The following SERGEF variants were observed in gnomAD, a reference collection of about 807,000 sequenced individuals.
SERGEF encodes secretion regulating guanine nucleotide exchange factor, also known as secretion-regulating guanine nucleotide exchange factor.
Under a neutral mutation model 50.0 loss-of-function variants are expected in SERGEF, and 51 were observed. The observed-to-expected ratio is 1.02, with a 90% CI of 0.81 to 1.29. The LOEUF (loss-of-function observed/expected upper bound fraction) is 1.29, where lower values mean the gene tolerates loss of function less well. Ranked by LOEUF, SERGEF falls within the 50% of genes most tolerant of loss-of-function variation. The pLI, the probability that SERGEF is intolerant of heterozygous loss-of-function variation, is 0.00. For missense variants in SERGEF, 521 were observed against 557.0 expected, an observed-to-expected ratio of 0.94 and a Z score of 0.65; for synonymous variants, 205 against 212.4, an observed-to-expected ratio of 0.97 and a Z score of 0.30.
chr11:17,853,867 T>G (rs936985273), intron 10 of SERGEF: 1 of 151,836 alleles, frequency 6.6e-6, no homozygotes, highest in African/African-American at 2.4e-5. Context: ...ACACACAATT[T>G]AGCCAGGCAC....
chr11:17,844,903 AAAAAC>A (rs1161360777), intron 10 of SERGEF, among the ~76,000 whole-genome samples: 3 of 146,472 alleles, frequency 2.0e-5, no homozygotes, highest in African/African-American at 4.9e-5. Flanking sequence ...GAGCTTAAAA[AAAAAC>A]AAAACAAAAC....
intron 9 of SERGEF, among the ~76,000 whole-genome samples, chr11:17,895,243 A>T (rs1851598687): frequency 1.3e-5 from 2 of 152,260 alleles, no homozygotes; most frequent in Non-Finnish European, 2.9e-5. Flanking sequence ...AACAAAACGT[A>T]TTGAGGCCAG....
chr11:17,906,171 G>A (rs1193079048), intron 9 of SERGEF, among the ~76,000 whole-genome samples: 3 of 152,174 alleles, frequency 2.0e-5, no homozygotes, highest in East Asian at 3.9e-4. Flanking sequence ...AGTTGGAGCA[G>A]GGCACGGGGA....
intron 1 of SERGEF, among the ~76,000 whole-genome samples, chr11:18,010,917 T>C (rs1291902061): frequency 2.0e-5 from 3 of 152,154 alleles, no homozygotes; most frequent in African/African-American, 7.2e-5. Flanking sequence ...GGCTGTCCCA[T>C]TACCAGGGGT....
At chr11:17,877,350 G>A (rs1253518662) in intron 10 of SERGEF, among the ~76,000 whole-genome samples, 2 of 152,110 alleles carry the variant, frequency 1.3e-5, no homozygotes, top group Non-Finnish European at 2.9e-5. Flanking sequence ...GCCTAGCGGA[G>A]GGCAATTACT....
At chr11:17,981,641 C>T (rs140768361) in intron 8 of SERGEF, among the ~76,000 whole-genome samples, 40 of 152,266 alleles carry the variant, frequency 2.6e-4, no homozygotes, top group Non-Finnish European at 4.3e-4. Flanking sequence ...GTTATGATTG[C>T]TGTTGTATTC....
At chr11:17,805,683 C>T (rs1849746726) in intron 10 of SERGEF, among the ~76,000 whole-genome samples, 1 of 152,172 alleles carries the variant, frequency 6.6e-6, no homozygotes, top group Admixed American at 6.5e-5. Context: ...GAACTACAGA[C>T]CCTAAAAGCT....
intron 10 of SERGEF, among the ~76,000 whole-genome samples, chr11:17,791,795 G>A (rs1849488146): frequency 6.6e-6 from 1 of 152,340 alleles, no homozygotes; most frequent in African/African-American, 2.4e-5. Context: ...AGTAAGTATA[G>A]TATATGCAAA....
At chr11:17,964,007 A>C (rs1853067987) in intron 8 of SERGEF, among the ~76,000 whole-genome samples, 1 of 152,196 alleles carries the variant, frequency 6.6e-6, no homozygotes, top group African/African-American at 2.4e-5. Context: ...AAGAATTTAC[A>C]GGGCTTGGCA....
chr11:17,899,676 GGTA>G (rs1378790707), intron 9 of SERGEF, among the ~76,000 whole-genome samples: 1 of 152,132 alleles, frequency 6.6e-6, no homozygotes, highest in East Asian at 1.9e-4. Flanking sequence ...AATGAGGCCA[GGTA>G]TGGTGGCTCA....
chr11:18,009,718 T>C (rs896499382), intron 1 of SERGEF, among the ~76,000 whole-genome samples: 8 of 152,138 alleles, frequency 5.3e-5, no homozygotes, highest in African/African-American at 1.9e-4. Flanking sequence ...AGGCAATATG[T>C]CTATTATTAT....
At chr11:17,902,540 G>T (rs1471411449) in intron 9 of SERGEF, among the ~76,000 whole-genome samples, 1 of 152,188 alleles carries the variant, frequency 6.6e-6, no homozygotes, top group Admixed American at 6.5e-5. Context: ...CCAAGCCTCG[G>T]TAACTAGAAG....
At chr11:17,979,947 C>T (rs1219370531) in intron 8 of SERGEF, among the ~76,000 whole-genome samples, 2 of 152,158 alleles carry the variant, frequency 1.3e-5, no homozygotes, top group Non-Finnish European at 2.9e-5. Context: ...CAATGCTTCC[C>T]TCTAGTGGTT....
At chr11:17,822,440 G>A (rs1284670901) in intron 10 of SERGEF, among the ~76,000 whole-genome samples, 1 of 152,196 alleles carries the variant, frequency 6.6e-6, no homozygotes, top group Non-Finnish European at 1.5e-5. Context: ...GTCTATAAGA[G>A]CAAGCTATCA....
chr11:17,868,470 C>T (rs2525890), intron 10 of SERGEF, among the ~76,000 whole-genome samples: 54,111 of 151,954 alleles, frequency 0.36, 10,027 homozygotes, highest in East Asian at 0.52. Flanking sequence ...TGATCAAAGT[C>T]ACTCAACAAG....
At chr11:17,980,940 G>C (rs1387504036) in intron 8 of SERGEF, among the ~76,000 whole-genome samples, 3 of 152,184 alleles carry the variant, frequency 2.0e-5, no homozygotes, top group Admixed American at 2.0e-4. Context: ...TGGCCAGATG[G>C]AAGAAAGGGA....
At chr11:17,972,173 C>A (rs1231471475) in intron 8 of SERGEF, among the ~76,000 whole-genome samples, 1 of 152,206 alleles carries the variant, frequency 6.6e-6, no homozygotes, top group African/African-American at 2.4e-5. Context: ...GAAATGCTAA[C>A]AAAAGCGATT....
intron 10 of SERGEF, among the ~76,000 whole-genome samples, chr11:17,813,610 C>T (rs1481587460): frequency 2.0e-5 from 3 of 152,210 alleles, no homozygotes; most frequent in Admixed American, 2.0e-4. Flanking sequence ...GGAGTTAACT[C>T]TTACTCCCCC....
chr11:17,809,866 A>C (rs1849835754), intron 10 of SERGEF, among the ~76,000 whole-genome samples: 1 of 152,174 alleles, frequency 6.6e-6, no homozygotes, highest in Admixed American at 6.5e-5. Context: ...CCCCAAGGAT[A>C]TGGCCAAAAT....
Sources: gnomAD v4.1 joint callset for allele counts (sites outside exome capture counted in the v4.1 genomes callset) on GRCh38, gnomAD v4.1.1 for gene constraint, MANE v1.5 for transcripts, NCBI Gene and HGNC (gene_info 2026-07-23, HGNC 2026-07-21) for gene names.